E2F3: variants seen among roughly 807,000 people sequenced by gnomAD.
The protein encoded by E2F3 is E2F transcription factor 3.
E2F3 carries 11 observed loss-of-function variants against 44.4 expected under a neutral mutation model. That is an observed-to-expected ratio of 0.25 (90% CI 0.16 to 0.41). The LOEUF is 0.41. Among genes scored for constraint, E2F3 ranks in the 10% least tolerant of loss-of-function variants. The pLI, the probability that E2F3 is intolerant of heterozygous loss-of-function variation, is 1.00. For missense variants in E2F3, 487 were observed against 583.6 expected (o/e 0.83, Z 1.70); for synonymous variants, 249 against 253.0 (o/e 0.98, Z 0.15).
At chr6:20,464,235 G>A (rs928007186) in intron 1 of E2F3, among the ~76,000 whole-genome samples, 4 of 152,168 alleles carry the variant, frequency 2.6e-5, no homozygotes, top group Non-Finnish European at 4.4e-5. Context: ...GCTGTTGTCT[G>A]TTCACCTTGA....
At chr6:20,447,379 G>GT in intron 1 of E2F3, among the ~76,000 whole-genome samples, 1 of 152,034 alleles carries the variant, frequency 6.6e-6, no homozygotes, top group Middle Eastern at 3.4e-3. Flanking sequence ...AACAGAGCCT[G>GT]TAAGTCTTGC....
chr6:20,402,394 G>A lies in E2F3; in HGVS notation c.162G>A (p.Pro54=), dbSNP rs2127581296. The A allele has an allele frequency of 6.2e-7, 1 of 1,606,476 alleles. No homozygotes were observed. Among genetic ancestry groups the A allele is most frequent in the Non-Finnish European group, 8.5e-7 (1 of 1,177,944 alleles). The change falls in exon 1 of 7, where the codon CCG becomes CCA. Residue 54 remains proline, a synonymous_variant. Coordinates refer to ENST00000346618, the MANE Select transcript of E2F3 (RefSeq NM_001949.5). This position sits in a 1 kb window ranked among gnomAD's most constrained non-coding sequence, Gnocchi z 5.6. ...FAAAAAAAAA[P]GAYIQILTTN... ...CCGCCGCCGCCGCTGCCGCCGCCCC[G>A]GGCGCGTACATCCAGATCCTCACCA...
intron 1 of E2F3, among the ~76,000 whole-genome samples, chr6:20,410,950 G>A (rs1286583082): frequency 2.6e-5 from 4 of 152,136 alleles, no homozygotes; most frequent in Admixed American, 2.6e-4. Context: ...AGCCCTTAGT[G>A]TTCATTTCAC....
chr6:20,443,736 C>T (rs866287882), intron 1 of E2F3, among the ~76,000 whole-genome samples: 1 of 152,084 alleles, frequency 6.6e-6, no homozygotes, highest in Non-Finnish European at 1.5e-5. Context: ...ATCTTCACCC[C>T]TTTCAAGGTG....
intron 1 of E2F3, among the ~76,000 whole-genome samples, chr6:20,418,398 GCTGT>G (rs1266474503): frequency 1.3e-5 from 2 of 152,172 alleles, no homozygotes; most frequent in African/African-American, 4.8e-5. Flanking sequence ...CAGCCAGTTG[GCTGT>G]CTGTTTTAGC....
chr6:20,413,172 T>C (rs1219459765), intron 1 of E2F3, among the ~76,000 whole-genome samples: 1 of 152,210 alleles, frequency 6.6e-6, no homozygotes, highest in Admixed American at 6.5e-5. Context: ...TATTAAGTAG[T>C]AAAAATCCAA....
intron 1 of E2F3, among the ~76,000 whole-genome samples, chr6:20,446,223 A>T (rs1431623021): frequency 1.3e-5 from 2 of 152,192 alleles, no homozygotes; most frequent in African/African-American, 2.4e-5. Context: ...ATTGGTTATT[A>T]GACGGGTTGA....
chr6:20,402,654 G>A lies in E2F3; in HGVS notation c.393+29G>A. ...ATACCCTCCCTCCCCACCGTCCCCA[G>A]CCCCGGCGGGAGGTGGGCTCGCACC... On this transcript the variant is annotated intron_variant, in intron 1 of 6. Transcript: ENST00000346618. This position sits in a 1 kb window ranked among gnomAD's most constrained non-coding sequence, Gnocchi z 5.6. 1 of 1,310,210 alleles carries A rather than the reference G, an allele frequency of 7.6e-7. No homozygotes were observed. The highest frequency in any genetic ancestry group is 9.7e-7 in the Non-Finnish European group (1 of 1,035,262). 81.2% of individuals were successfully genotyped at this position (1,310,210 alleles called of 1,614,324 possible).
chr6:20,414,687 C>T (rs1427100052), intron 1 of E2F3, among the ~76,000 whole-genome samples: 7 of 152,150 alleles, frequency 4.6e-5, no homozygotes, highest in Non-Finnish European at 7.3e-5. Flanking sequence ...GAACTTGTGA[C>T]GATCACACTA....
intron 1 of E2F3, among the ~76,000 whole-genome samples, chr6:20,416,727 A>G (rs1437295079): frequency 6.6e-6 from 1 of 152,202 alleles, no homozygotes; most frequent in Non-Finnish European, 1.5e-5. Context: ...AGAAAGGAGT[A>G]GGGGGAAACC....
chr6:20,403,761 GCCCCCTCTCCAGCCGGCC>G, intron 1 of E2F3: 1 of 1,490,612 alleles, frequency 6.7e-7, no homozygotes, highest in Non-Finnish European at 8.9e-7. Flanking sequence ...GGCCCTCCGG[GCCCCCTCTCCAGCCGGCC>G]CCCCACCTCC....
intron 4 of E2F3, among the ~76,000 whole-genome samples, chr6:20,485,886 T>C (rs1762375778): frequency 6.6e-6 from 1 of 152,228 alleles, no homozygotes; most frequent in Admixed American, 6.5e-5. Context: ...ACTTATTTAT[T>C]TACTTGGTGG....
intron 1 of E2F3, among the ~76,000 whole-genome samples, chr6:20,474,315 C>T (rs770726427): frequency 2.0e-5 from 3 of 152,162 alleles, no homozygotes; most frequent in Non-Finnish European, 4.4e-5. Context: ...GGCATGTTAA[C>T]GTCCATGGGG....
chr6:20,432,389 G>A (rs1213064663), intron 1 of E2F3, among the ~76,000 whole-genome samples: 6 of 152,340 alleles, frequency 3.9e-5, no homozygotes, highest in Middle Eastern at 3.4e-3. Context: ...AGAAGACAGG[G>A]AAGGCAAGGC....
Position 20,472,025 on chromosome 6 carries a change from AACACACACACACAC to A in E2F3, c.394-7790_394-7777del, listed in dbSNP as rs57925127. On this transcript the variant is annotated intron_variant, in intron 1 of 6. Coordinates refer to ENST00000346618, the MANE Select transcript of E2F3 (RefSeq NM_001949.5). ...TTAAACTCCAGCCTGCCCCCCCTCC[AACACACACACACAC>A]ACACACACACACACACACACACACA... Among the ~76,000 whole-genome samples the A allele has an allele frequency of 9.5e-4, 132 of 138,444 alleles. 1 individual carries two copies. Among genetic ancestry groups the A allele is most frequent in the Middle Eastern group, 3.8e-3 (1 of 260 alleles). The allele number at this position is 138,444 out of a possible 152,430, so 90.8% of individuals were successfully genotyped here.
intron 1 of E2F3, among the ~76,000 whole-genome samples, chr6:20,465,355 T>G (rs1246859058): frequency 6.6e-6 from 1 of 152,282 alleles, no homozygotes; most frequent in Non-Finnish European, 1.5e-5. Flanking sequence ...AACCCCTTTA[T>G]GTCGAGAGAC....
intron 1 of E2F3, among the ~76,000 whole-genome samples, chr6:20,427,685 C>A (rs1223080535): frequency 6.6e-6 from 1 of 152,140 alleles, no homozygotes; most frequent in East Asian, 1.9e-4. Context: ...TTTGGACTAC[C>A]ATTTGAGGTG....
intron 1 of E2F3, among the ~76,000 whole-genome samples, chr6:20,409,327 A>G (rs1157808366): frequency 6.6e-6 from 1 of 152,230 alleles, no homozygotes; most frequent in African/African-American, 2.4e-5. Flanking sequence ...GAATTATTTA[A>G]AAAAGGAAAG....
intron 1 of E2F3, among the ~76,000 whole-genome samples, chr6:20,471,310 C>T (rs898826427): frequency 6.6e-6 from 1 of 152,138 alleles, no homozygotes; most frequent in Non-Finnish European, 1.5e-5. Flanking sequence ...AGGCCGGGCA[C>T]GGTGGCTCAC....
Sources: allele counts gnomAD v4.1 joint callset (sites outside exome capture counted in the v4.1 genomes callset), GRCh38; gene constraint gnomAD v4.1.1; non-coding constraint Gnocchi (gnomAD v3.1); transcripts MANE v1.5; gene names NCBI Gene and HGNC (gene_info 2026-07-23, HGNC 2026-07-21).